UNG: variants seen among roughly 807,000 people sequenced by gnomAD.
UNG encodes the protein uracil-DNA glycosylase.
UNG carries 34 observed loss-of-function variants against 36.5 expected under a neutral mutation model. The observed-to-expected ratio is 0.93, with a 90% confidence interval of 0.71 to 1.24. The LOEUF (loss-of-function observed/expected upper bound fraction) is 1.24, where lower values mean the gene tolerates loss of function less well. UNG is among the 50% of genes most tolerant of loss of function. The pLI, the probability that UNG is intolerant of heterozygous loss-of-function variation, is 0.00. For missense variants in UNG, 391 were observed against 397.6 expected, an observed-to-expected ratio of 0.98 and a Z score of 0.14; for synonymous variants, 172 against 157.8, an observed-to-expected ratio of 1.09 and a Z score of -0.67.
rs1024284655 is a variant in UNG, at chr12:109,109,845, T to A, written c.818T>A (p.Leu273Gln). The change falls in exon 7 of 7, where the codon CTA (leucine) becomes CAA (glutamine). Residue 273 changes from leucine (L) to glutamine (Q), a missense_variant. Coordinates refer to ENST00000242576, the MANE Select transcript of UNG (RefSeq NM_080911.3). Reference sequence around the variant, plus strand: ...CTTTTTCAGAAGCGGCACCATGTACTACAGACGGCTCATCCCTCCCCTTTG... The same window carrying A: ...CTTTTTCAGAAGCGGCACCATGTACAACAGACGGCTCATCCCTCCCCTTTG... ...SAIDRKRHHV[L>Q]QTAHPSPLSV... is the part of the protein sequence containing the mutation. The A allele has an allele frequency of 1.2e-6, 2 of 1,613,698 alleles. No individual in the cohort carries two copies. Among genetic ancestry groups the A allele is most frequent in the Admixed American group, 3.3e-5 (2 of 59,970 alleles).
At position 109,102,938 on chromosome 12, in the gene UNG, G is replaced by T; in HGVS notation, c.622+11G>T. 1 of 1,530,418 alleles carries T rather than the reference G, an allele frequency of 6.5e-7. No individual in the cohort carries two copies. Among genetic ancestry groups the T allele is most frequent in the South Asian group, 1.1e-5 (1 of 88,890 alleles). 94.8% of individuals were successfully genotyped at this position (1,530,418 alleles called of 1,614,324 possible). The stretch of plus-strand genomic sequence containing the variant: ...GGTGGGCCAAGCAAGGTAAGCCAGC[G>T]ACTGCTAGATTTTTTTTTTTTTTTT... On this transcript the variant is annotated intron_variant, in intron 5 of 6. Transcript: ENST00000242576.
At chr12:109,100,247 C>T (rs1247382796) in intron 3 of UNG, among the ~76,000 whole-genome samples, 5 of 152,204 alleles carry the variant, frequency 3.3e-5, no homozygotes, top group African/African-American at 1.2e-4. Flanking sequence ...GCCTCTGTGG[C>T]ACCTCCTTGA....
Position 109,102,885 on chromosome 12 carries a change from G to A in UNG, c.580G>A (p.Val194Ile), listed in dbSNP as rs749500595. 4.4e-6 allele frequency: 7 copies of A among 1,608,168 alleles called. No individual in the cohort carries two copies. The highest frequency in any genetic ancestry group is 5.9e-6 in the Non-Finnish European group (7 of 1,177,968). Residue 194 changes from valine to isoleucine, a missense_variant, in exon 5 of 7, where the codon GTT becomes ATT. Val to Ile is a conservative substitution (Grantham distance 29). Transcript: ENST00000242576. ...GTTGTCTACAGACATAGAGGATTTT[G>A]TTCATCCTGGCCATGGAGATTTATC... is the stretch of plus-strand genomic sequence containing the variant. ...KELSTDIEDF[V>I]HPGHGDLSGW... is the part of the protein sequence containing the mutation.
Position 109,098,526 on chromosome 12 carries a change from G to A in UNG, c.227G>A (p.Arg76Lys). The change falls in exon 2 of 7, where the codon AGG becomes AAG. Residue 76 changes from arginine (R) to lysine (K), a missense_variant. Physicochemically the swap from Arg to Lys is conservative, Grantham distance 26. Coordinates refer to ENST00000242576, the MANE Select transcript of UNG (RefSeq NM_080911.3). ...GCCGAGCAGTTGGACCGGATCCAGA[G>A]GAACAAGGCCGCGGCCCTGCTCAGA... is the stretch of plus-strand genomic sequence containing the variant. ...LSAEQLDRIQ[R>K]NKAAALLRLA... 4 of 1,613,060 alleles carry A rather than the reference G, an allele frequency of 2.5e-6. No homozygotes were observed. Among genetic ancestry groups the A allele is most frequent in the Non-Finnish European group, 3.4e-6 (4 of 1,179,934 alleles).
At chr12:109,097,942 C>A (rs1003778597) in intron 1 of UNG, 131 bp downstream of exon 1, 2 of 1,314,542 alleles carry the variant, frequency 1.5e-6, no homozygotes, top group East Asian at 2.6e-5. Flanking sequence ...ATAGCCTCCA[C>A]GTGTTCAAAA....
intron 4 of UNG, 28 bp from the exon 5 acceptor site, chr12:109,102,811 T>C: frequency 1.3e-6 from 2 of 1,573,416 alleles, no homozygotes; most frequent in Non-Finnish European, 1.7e-6. Flanking sequence ...AGATTCTGTT[T>C]TTTGTTTTTC....
rs2042253119 is a variant in UNG, at chr12:109,110,519, G to A, written c.*550G>A. 6.1e-6 allele frequency: 1 copy of A among 164,380 alleles called. No homozygotes were observed. The highest frequency in any genetic ancestry group is 1.3e-5 in the Non-Finnish European group (1 of 74,502). The allele number at this position is 164,380 out of a possible 1,614,324, so 10.2% of individuals were successfully genotyped here. A position where few individuals can be genotyped will look rare whatever the true frequency, so the allele number is the denominator to read the frequency against. The stretch of plus-strand genomic sequence containing the variant: ...TTCCAGAATCTGGCCCAGAAATTAG[G>A]GCTCAATTTCCTGATTGTAGTAGAG... On this transcript the variant is annotated 3_prime_UTR_variant, in exon 7 of 7. Coordinates refer to ENST00000242576, the MANE Select transcript of UNG (RefSeq NM_080911.3).
At chr12:109,098,870 C>T (rs1184921199) in intron 2 of UNG, among the ~76,000 whole-genome samples, 50 of 152,262 alleles carry the variant, frequency 3.3e-4, no homozygotes, top group Non-Finnish European at 4.4e-5. Context: ...ATTTAAGTCA[C>T]ATAGTCTATT....
At chr12:109,104,774 T>A (rs2042204067) in intron 6 of UNG, among the ~76,000 whole-genome samples, 1 of 151,866 alleles carries the variant, frequency 6.6e-6, no homozygotes, top group South Asian at 2.1e-4. Context: ...GGGGAGAAAT[T>A]ATAGAGTAAA....
chr12:109,107,509 ACT>A (rs2042226574), intron 6 of UNG, among the ~76,000 whole-genome samples: 2 of 138,098 alleles, frequency 1.4e-5, no homozygotes, highest in Non-Finnish European at 3.1e-5. Flanking sequence ...CTGGCCACTG[ACT>A]ATTCCTCTTT....
chr12:109,097,959 C>A (rs1263111707), intron 1 of UNG, 148 bp downstream of exon 1: 14 of 1,286,800 alleles, frequency 1.1e-5, no homozygotes, highest in Non-Finnish European at 1.4e-5. Context: ...AAAATAGCCG[C>A]CGCTGTCCCC....
At chr12:109,099,935 G>A (rs1328652101) in intron 3 of UNG, among the ~76,000 whole-genome samples, 1 of 152,108 alleles carries the variant, frequency 6.6e-6, no homozygotes, top group African/African-American at 2.4e-5. Flanking sequence ...GGTGGCGCAC[G>A]CCTGTAATTC....
At chr12:109,108,597 ACT>A (rs937805293) in intron 6 of UNG, among the ~76,000 whole-genome samples, 1 of 151,962 alleles carries the variant, frequency 6.6e-6, no homozygotes, top group African/African-American at 2.4e-5. Flanking sequence ...ATGCCACTAC[ACT>A]CTAGCCTGGG....
intron 6 of UNG, among the ~76,000 whole-genome samples, chr12:109,108,773 G>C (rs997995175): frequency 7.9e-5 from 12 of 152,204 alleles, no homozygotes; most frequent in African/African-American, 2.9e-4. Context: ...TAGGACTGCA[G>C]GTGCATGCCA....
At chr12:109,108,916 G>A (rs1306567325) in intron 6 of UNG, among the ~76,000 whole-genome samples, 2 of 152,176 alleles carry the variant, frequency 1.3e-5, no homozygotes, top group African/African-American at 4.8e-5. Context: ...ACAGGTGTAA[G>A]CCACCGTGAC....
chr12:109,107,225 G>A (rs1261563554), intron 6 of UNG, among the ~76,000 whole-genome samples: 1 of 151,994 alleles, frequency 6.6e-6, no homozygotes, highest in Non-Finnish European at 1.5e-5. Flanking sequence ...TTTTGAAACA[G>A]GGTCTAGCTC....
chr12:109,106,546 A>T (rs2135890511), intron 6 of UNG, among the ~76,000 whole-genome samples: 1 of 152,174 alleles, frequency 6.6e-6, no homozygotes, highest in South Asian at 2.1e-4. Flanking sequence ...CAAAGTAGTC[A>T]TTTGCCACAT....
At chr12:109,098,196 C>T (rs1263633002) in intron 1 of UNG, 20 of 1,428,766 alleles carry the variant, frequency 1.4e-5, no homozygotes, top group Non-Finnish European at 1.7e-5. Context: ...GTCACCGCGA[C>T]GCTCCTCGGG....
Position 109,109,813 on chromosome 12 carries a change from T to G in UNG, c.802-16T>G. ...AAGTCCCAAATCTGCCACCATTTAT[T>G]CTTGATCTTTTTCAGAAGCGGCACC... On this transcript the variant is annotated splice_polypyrimidine_tract_variant and intron_variant, in intron 6 of 6. Transcript: ENST00000242576. The G allele has an allele frequency of 6.2e-7, 1 of 1,612,870 alleles. No individual in the cohort carries two copies. Among genetic ancestry groups the G allele is most frequent in the Non-Finnish European group, 8.5e-7 (1 of 1,179,542 alleles).
Sources: allele counts gnomAD v4.1 joint callset (sites outside exome capture counted in the v4.1 genomes callset), GRCh38; gene constraint gnomAD v4.1.1; transcripts MANE v1.5; gene names NCBI Gene and HGNC (gene_info 2026-07-23, HGNC 2026-07-21).